Variants in ATP2C1 observed in about 807,000 individuals in gnomAD.
ATP2C1 encodes calcium-transporting ATPase type 2C member 1.
Under a neutral mutation model 120.5 loss-of-function variants are expected in ATP2C1, and 31 were observed. The ratio of observed to expected loss-of-function variants is 0.26; its 90% CI spans 0.19 to 0.35. The LOEUF (loss-of-function observed/expected upper bound fraction) is 0.35. ATP2C1 is among the 10% of genes least tolerant of loss of function. The pLI, the probability that ATP2C1 is intolerant of heterozygous loss-of-function variation, is 1.00. For synonymous variants in ATP2C1, 351 were observed against 358.7 expected, an observed-to-expected ratio of 0.98 and a Z score of 0.24; for missense variants, 731 against 1,107.5, an observed-to-expected ratio of 0.66 and a Z score of 4.83.
chr3:130,954,937 T>G (rs2060514633), intron 9 of ATP2C1, 75 bp from the exon 10 acceptor site: 3 of 995,140 alleles, frequency 3.0e-6, no homozygotes, highest in Non-Finnish European at 4.8e-6. Context: ...TTGAAAGTTG[T>G]TGGATGTGTG....
chr3:130,996,431 A>ATGTTTCTGTTTC (rs2062625290), intron 23 of ATP2C1, among the ~76,000 whole-genome samples: 1 of 152,244 alleles, frequency 6.6e-6, no homozygotes, highest in South Asian at 2.1e-4. Flanking sequence ...AACAGTTACC[A>ATGTTTCTGTTTC]AAATATTGTT....
intron 9 of ATP2C1, among the ~76,000 whole-genome samples, chr3:130,954,430 A>C (rs1235011717): frequency 6.6e-6 from 1 of 152,188 alleles, no homozygotes; most frequent in Non-Finnish European, 1.5e-5. Flanking sequence ...AGTATAATAC[A>C]TGTTTGTATT....
intron 2 of ATP2C1, among the ~76,000 whole-genome samples, chr3:130,900,091 T>C (rs996438168): frequency 3.3e-5 from 5 of 152,028 alleles, no homozygotes; most frequent in African/African-American, 7.2e-5. Context: ...GGAGTCTCAC[T>C]CTGTAACCCA....
At chr3:130,972,948 G>A (rs1267604480) in intron 17 of ATP2C1, among the ~76,000 whole-genome samples, 1 of 151,868 alleles carries the variant, frequency 6.6e-6, no homozygotes, top group African/African-American at 2.4e-5. Context: ...GGCAGATGCT[G>A]AAGAAAATTT....
At chr3:130,918,187 C>T (rs1462190027) in intron 2 of ATP2C1, 2 of 1,114,136 alleles carry the variant, frequency 1.8e-6, no homozygotes, top group Non-Finnish European at 2.7e-6. Context: ...AAGAGATTCT[C>T]AGTGTGTGAT....
chr3:130,966,285 TTGGGATTACA>T (rs2061044161), intron 14 of ATP2C1, among the ~76,000 whole-genome samples: 1 of 152,158 alleles, frequency 6.6e-6, no homozygotes, highest in Non-Finnish European at 1.5e-5. Flanking sequence ...AGAAGGGTCA[TTGGGATTACA>T]TGTGCTTATA....
chr3:130,983,978 C>T (rs1163578287), intron 20 of ATP2C1, among the ~76,000 whole-genome samples: 1 of 152,188 alleles, frequency 6.6e-6, no homozygotes, highest in African/African-American at 2.4e-5. Context: ...CATTCATATA[C>T]AGGTTTTTGC....
At position 131,016,215 on chromosome 3, in the gene ATP2C1, C is replaced by T. The variant is rs777098238; in HGVS notation, c.*26C>T. On this transcript the variant is annotated 3_prime_UTR_variant, in exon 27 of 27. Transcript: ENST00000328560. ...GATACATCCCCATCTGGAGACAGGA[C>T]TGCCACTGACAGAAGATGTGAGCTG... is the stretch of plus-strand genomic sequence containing the variant. 6 of 1,614,150 alleles carry T rather than the reference C, an allele frequency of 3.7e-6. No homozygotes were observed. In the Admixed American group the frequency reaches 5.0e-5, roughly 13 times the overall value.
At chr3:130,857,028 G>T (rs1277857487) in intron 1 of ATP2C1, among the ~76,000 whole-genome samples, 2 of 152,140 alleles carry the variant, frequency 1.3e-5, no homozygotes, top group East Asian at 3.8e-4. Flanking sequence ...GGAGGAATTT[G>T]TATAATTATA....
At chr3:130,995,604 A>G (rs569642356) in intron 22 of ATP2C1, among the ~76,000 whole-genome samples, 2 of 152,254 alleles carry the variant, frequency 1.3e-5, no homozygotes, top group South Asian at 4.1e-4. Context: ...ATGTTTCCAT[A>G]TTGATACATG....
intron 16 of ATP2C1, 88 bp from the exon 17 acceptor site, chr3:130,969,204 C>G: frequency 2.3e-6 from 2 of 856,532 alleles, no homozygotes; most frequent in Admixed American, 3.6e-5. Flanking sequence ...TCCAGCCAAC[C>G]TAGTTACAAG....
chr3:130,974,245 C>G (rs1480028294), intron 17 of ATP2C1, among the ~76,000 whole-genome samples: 1 of 152,162 alleles, frequency 6.6e-6, no homozygotes, highest in Admixed American at 6.5e-5. Context: ...AAGAAGTATC[C>G]TATTTGAGCT....
chr3:130,994,163 C>T, intron 22 of ATP2C1, 65 bp downstream of exon 22: 1 of 1,577,970 alleles, frequency 6.3e-7, no homozygotes, highest in South Asian at 1.1e-5. Flanking sequence ...TCCCCCACCC[C>T]TAGAGAATTC....
chr3:130,872,018 G>GT (rs1322670917), intron 1 of ATP2C1, among the ~76,000 whole-genome samples: 2 of 80,040 alleles, frequency 2.5e-5, no homozygotes, highest in Admixed American at 3.0e-4. Context: ...GTGAAACTCT[G>GT]TCTCAAAAAA....
chr3:130,989,151 T>C (rs1038482579), intron 20 of ATP2C1, among the ~76,000 whole-genome samples: 5 of 149,776 alleles, frequency 3.3e-5, no homozygotes, highest in Non-Finnish European at 3.0e-5. Flanking sequence ...CTTGGGAGGC[T>C]GAGGCAGAGA....
In ATP2C1 at chr3:130,940,620, G is replaced by A. The variant is rs1475333301; in HGVS notation, c.361-10G>A. The stretch of plus-strand genomic sequence containing the variant: ...GCAAAATTAAATTCTACTTTTTTTT[G>A]TTTGAATAGGAATATCGTTCAGAAA... On this transcript the variant is annotated splice_polypyrimidine_tract_variant and intron_variant, in intron 6 of 27. Coordinates refer to ENST00000510168, the MANE Select transcript of ATP2C1 (RefSeq NM_001378687.1). 1.3e-6 allele frequency: 2 copies of A among 1,587,806 alleles called. No individual in the cohort carries two copies. Among genetic ancestry groups the A allele is most frequent in the Non-Finnish European group, 1.7e-6 (2 of 1,157,080 alleles).
intron 1 of ATP2C1, among the ~76,000 whole-genome samples, chr3:130,862,793 T>G (rs962723713): frequency 1.3e-5 from 2 of 152,190 alleles, no homozygotes; most frequent in African/African-American, 4.8e-5. Flanking sequence ...TAAATCCAAA[T>G]GAAATCTAAG....
At position 130,894,164 on chromosome 3, in the gene ATP2C1, C is replaced by CCCCCAAAAA; in HGVS notation, c.-352_-351insCCAAAAACC. The CCCCCAAAAA allele has an allele frequency of 1.2e-6, 1 of 800,526 alleles. No homozygotes were observed. Among genetic ancestry groups the CCCCCAAAAA allele is most frequent in the Non-Finnish European group, 1.5e-6 (1 of 661,218 alleles). The allele number at this position is 800,526 out of a possible 1,614,324, so 49.6% of individuals were successfully genotyped here. A position where few individuals can be genotyped will look rare whatever the true frequency, so the allele number is the denominator to read the frequency against. On this transcript the variant is annotated 5_prime_UTR_variant, in exon 1 of 28. Coordinates refer to ENST00000510168, the MANE Select transcript of ATP2C1 (RefSeq NM_001378687.1). This position sits in a 1 kb window ranked among gnomAD's most constrained non-coding sequence, Gnocchi z 4.5. ...TCCTCTTCTCTCCCCTCCCCGCCCG[C>CCCCCAAAAA]CCTCTCTCCCTCCCTTCCTCCCTCC... is the stretch of plus-strand genomic sequence containing the variant.
chr3:131,008,119 A>G (rs2063184115), downstream of ATP2C1, among the ~76,000 whole-genome samples: 1 of 152,136 alleles, frequency 6.6e-6, no homozygotes, highest in Non-Finnish European at 1.5e-5. Flanking sequence ...TAACTCACCC[A>G]CATGGAGCTA....
Sources: gnomAD v4.1 joint callset for allele counts (sites outside exome capture counted in the v4.1 genomes callset) on GRCh38, gnomAD v4.1.1 for gene constraint, Gnocchi (gnomAD v3.1) non-coding constraint, MANE v1.5 for transcripts, NCBI Gene and HGNC (gene_info 2026-07-23, HGNC 2026-07-21) for gene names.